The following GRM8 variants were observed in gnomAD, a reference collection of about 807,000 sequenced individuals.
GRM8 encodes glutamate metabotropic receptor 8, also known as metabotropic glutamate receptor 8.
In GRM8, 47 loss-of-function variants were observed where a neutral mutation model predicts 87.2. The observed-to-expected ratio is 0.54, with a 90% CI of 0.43 to 0.69. GRM8 has a LOEUF of 0.69. Ranked by LOEUF, GRM8 falls within the 30% of genes least tolerant of loss-of-function variation. The pLI is 0.00. For synonymous variants in GRM8, 396 were observed against 404.5 expected (o/e 0.98, Z 0.25); for missense variants, 1,019 against 1,139.2 (o/e 0.89, Z 1.52).
chr7:126,909,486 A>T (rs1803065919), intron 3 of GRM8, among the ~76,000 whole-genome samples: 1 of 152,192 alleles, frequency 6.6e-6, no homozygotes, highest in Non-Finnish European at 1.5e-5. Context: ...CTAATTGTGT[A>T]CAATTTAAGG....
chr7:126,856,043 T>C (rs1797649976), intron 6 of GRM8, among the ~76,000 whole-genome samples: 1 of 152,164 alleles, frequency 6.6e-6, no homozygotes. Context: ...TTAAGAAGCA[T>C]GAACTTTCAT....
chr7:126,612,322 C>G (rs1228755049), intron 7 of GRM8, among the ~76,000 whole-genome samples: 9 of 152,150 alleles, frequency 5.9e-5, no homozygotes, highest in African/African-American at 2.2e-4. Context: ...ACAATGCCAC[C>G]TATACCTAAA....
chr7:126,446,976 T>C (rs952669634), intron 9 of GRM8, among the ~76,000 whole-genome samples: 3 of 151,886 alleles, frequency 2.0e-5, no homozygotes, highest in Non-Finnish European at 4.4e-5. Flanking sequence ...AGTGATAGCA[T>C]CATATCGAAA....
At chr7:126,814,305 A>G (rs1187088334) in intron 6 of GRM8, among the ~76,000 whole-genome samples, 1 of 152,102 alleles carries the variant, frequency 6.6e-6, no homozygotes, top group Non-Finnish European at 1.5e-5. Context: ...ATTAGAACAG[A>G]CATTAGAAAA....
intron 9 of GRM8, chr7:126,447,066 A>C (rs1169854365): frequency 6.6e-6 from 1 of 151,910 alleles, no homozygotes; most frequent in Non-Finnish European, 1.5e-5. Flanking sequence ...CGGTCACTGC[A>C]TTCTGAAATT....
intron 6 of GRM8, among the ~76,000 whole-genome samples, chr7:126,826,411 T>G (rs567035516): frequency 6.6e-6 from 1 of 152,208 alleles, no homozygotes; most frequent in African/African-American, 2.4e-5. Flanking sequence ...TGATTGCCAT[T>G]CTAACTGGTG....
chr7:126,446,381 A>AG lies in GRM8; in HGVS notation c.2431-10dup, dbSNP rs568174461. ...GTTGTCTGGATGTACATCTGAGGGAAGAAAAAAAAAAGAATCACTGTTGGT... is the reference window on the plus strand; with the variant it reads ...GTTGTCTGGATGTACATCTGAGGGAAGGAAAAAAAAAAGAATCACTGTTGGT... On this transcript the variant is annotated splice_polypyrimidine_tract_variant and intron_variant, in intron 9 of 10. Coordinates refer to ENST00000339582, the MANE Select transcript of GRM8 (RefSeq NM_000845.3). 1,563 of 1,564,058 alleles carry AG rather than the reference A, an allele frequency of 1.0e-3. 3 individuals carry two copies. Among genetic ancestry groups the AG allele is most frequent in the Middle Eastern group, 9.0e-3 (50 of 5,542 alleles).
At chr7:126,692,271 T>C (rs1423962624) in intron 7 of GRM8, among the ~76,000 whole-genome samples, 1 of 152,240 alleles carries the variant, frequency 6.6e-6, no homozygotes, top group Non-Finnish European at 1.5e-5. Context: ...AATTTTAATT[T>C]TGATACCACA....
intron 6 of GRM8, among the ~76,000 whole-genome samples, chr7:126,845,754 C>A (rs1232491352): frequency 6.6e-6 from 1 of 152,040 alleles, no homozygotes; most frequent in Non-Finnish European, 1.5e-5. Flanking sequence ...TACATAAGAT[C>A]ATGGAGAGAA....
At chr7:127,147,517 C>G (rs760760173) in intron 2 of GRM8, among the ~76,000 whole-genome samples, 20 of 152,044 alleles carry the variant, frequency 1.3e-4, no homozygotes, top group Non-Finnish European at 2.5e-4. Context: ...CAAATTCCCT[C>G]CTATCCCCCC....
intron 3 of GRM8, among the ~76,000 whole-genome samples, chr7:126,972,551 AATCAGCTTTTGTT>A (rs2131784453): frequency 6.6e-6 from 1 of 152,242 alleles, no homozygotes; most frequent in African/African-American, 2.4e-5. Flanking sequence ...TAAATTCTTT[AATCAGCTTTTGTT>A]CAGAAACTGT....
intron 3 of GRM8, among the ~76,000 whole-genome samples, chr7:127,015,768 C>G (rs1815602941): frequency 6.6e-6 from 1 of 152,026 alleles, no homozygotes; most frequent in African/African-American, 2.4e-5. Flanking sequence ...GCTGATTTTC[C>G]TATTTCATTA....
intron 10 of GRM8, among the ~76,000 whole-genome samples, chr7:126,444,524 G>A (rs1219928221): frequency 1.3e-5 from 2 of 152,018 alleles, no homozygotes; most frequent in Non-Finnish European, 2.9e-5. Context: ...TTGGTGACCC[G>A]AAGATAATCT....
intron 3 of GRM8, among the ~76,000 whole-genome samples, chr7:127,003,397 A>G (rs1586725070): frequency 6.6e-6 from 1 of 151,754 alleles, no homozygotes; most frequent in Non-Finnish European, 1.5e-5. Flanking sequence ...GCTATAGATT[A>G]AATTTCTTCT....
intron 2 of GRM8, among the ~76,000 whole-genome samples, chr7:127,130,865 T>G (rs1827650671): frequency 6.6e-6 from 1 of 152,172 alleles, no homozygotes; most frequent in South Asian, 2.1e-4. Context: ...AGACACTCCT[T>G]GCTTTCCCTT....
intron 2 of GRM8, among the ~76,000 whole-genome samples, chr7:127,196,596 A>G (rs1312751111): frequency 6.6e-6 from 1 of 152,058 alleles, no homozygotes; most frequent in Admixed American, 6.6e-5. Flanking sequence ...TTTAGATAAC[A>G]TATTATTCTG....
chr7:126,475,078 G>A (rs574042388), intron 9 of GRM8, among the ~76,000 whole-genome samples: 7 of 152,220 alleles, frequency 4.6e-5, no homozygotes, highest in Admixed American at 1.3e-4. Context: ...AACAAGACAA[G>A]GGTGCCTACT....
chr7:127,077,801 A>G (rs1822442188), intron 3 of GRM8, among the ~76,000 whole-genome samples: 1 of 152,120 alleles, frequency 6.6e-6, no homozygotes, highest in South Asian at 2.1e-4. Flanking sequence ...TCCTTTCAAG[A>G]TTGCTTGAGA....
intron 3 of GRM8, among the ~76,000 whole-genome samples, chr7:126,996,712 G>A (rs903284462): frequency 6.6e-6 from 1 of 151,950 alleles, no homozygotes; most frequent in Non-Finnish European, 1.5e-5. Context: ...GTTATACAAT[G>A]GCAAATGGGT....
Sources: allele counts gnomAD v4.1 joint callset (sites outside exome capture counted in the v4.1 genomes callset), GRCh38; gene constraint gnomAD v4.1.1; transcripts MANE v1.5; gene names NCBI Gene and HGNC (gene_info 2026-07-23, HGNC 2026-07-21).